ABR: variants seen among roughly 807,000 people sequenced by gnomAD.
The protein encoded by ABR is ABR activator of RhoGEF and GTPase.
In ABR, 35 loss-of-function variants were observed where a neutral mutation model predicts 107.2. The ratio of observed to expected loss-of-function variants is 0.33; its 90% CI spans 0.25 to 0.43. The LOEUF is 0.43. Ranked by LOEUF, ABR falls within the 20% of genes least tolerant of loss-of-function variation. The pLI is 1.00. For synonymous variants in ABR, 498 were observed against 462.0 expected (o/e 1.08, Z -1.00); for missense variants, 815 against 1,115.2 (o/e 0.73, Z 3.83).
chr17:1,220,642 A>G (rs990934667), intron 1 of ABR, among the ~76,000 whole-genome samples: 4 of 152,180 alleles, frequency 2.6e-5, no homozygotes, highest in East Asian at 1.9e-4. Context: ...TGTGACTACA[A>G]CACAGCCCTG....
Position 1,225,148 on chromosome 17 carries a change from C to CAA in ABR, c.838+3643_838+3644dup, listed in dbSNP as rs57761576. Among the ~76,000 whole-genome samples, 115 of 119,076 alleles carry CAA rather than the reference C, an allele frequency of 9.7e-4. 1 individual carries two copies. Among genetic ancestry groups the CAA allele is most frequent in the African/African-American group, 3.6e-3 (109 of 30,630 alleles). The allele number at this position is 119,076 out of a possible 152,430, so 78.1% of individuals were successfully genotyped here. On this transcript the variant is annotated intron_variant, in intron 1 of 22. Coordinates refer to the ABR transcript ENST00000574139. ...TGGGCAACACCGTGAGACTCCATCT[C>CAA]AAAAAAAAAAAAAAAGAAAAGAAAA...
chr17:1,090,960 G>T (rs1702032251), intron 4 of ABR, among the ~76,000 whole-genome samples: 1 of 152,194 alleles, frequency 6.6e-6, no homozygotes, highest in Non-Finnish European at 1.5e-5. Flanking sequence ...AGAGCTGGGG[G>T]AGAGGGTGTC....
intron 10 of ABR, among the ~76,000 whole-genome samples, chr17:1,060,107 G>C (rs2033752976): frequency 6.6e-6 from 1 of 152,210 alleles, no homozygotes; most frequent in African/African-American, 2.4e-5. Context: ...GCAGGAGGCA[G>C]TTGTTAAAAA....
At chr17:1,082,497 G>A (rs967363989) in intron 5 of ABR, among the ~76,000 whole-genome samples, 2 of 151,388 alleles carry the variant, frequency 1.3e-5, no homozygotes, top group Non-Finnish European at 2.9e-5. Flanking sequence ...CTGGGCCTCA[G>A]GAGCAGAAGC....
intron 1 of ABR, among the ~76,000 whole-genome samples, chr17:1,161,730 T>C (rs2041302462): frequency 6.6e-6 from 1 of 152,088 alleles, no homozygotes; most frequent in South Asian, 2.1e-4. Flanking sequence ...AATTTTTGTA[T>C]TTTTAGTAGA....
intron 12 of ABR, chr17:1,057,734 A>T (rs1037333942): frequency 6.0e-5 from 30 of 498,284 alleles, no homozygotes; most frequent in Middle Eastern, 5.8e-4. Flanking sequence ...AGAGAGAGAA[A>T]GCCCAGGCTG....
chr17:1,167,087 C>T (rs1317240511), intron 1 of ABR, among the ~76,000 whole-genome samples: 2 of 151,952 alleles, frequency 1.3e-5, no homozygotes, highest in East Asian at 1.9e-4. Flanking sequence ...CATCATGGCA[C>T]GGGGGCTGGG....
intron 16 of ABR, among the ~76,000 whole-genome samples, chr17:1,042,571 G>A (rs1420682757): frequency 1.3e-5 from 1 of 74,636 alleles, no homozygotes; most frequent in Non-Finnish European, 3.1e-5. Context: ...TGGGTAAACA[G>A]ACATGGCACC....
At chr17:1,116,969 G>C (rs1197932247) in intron 2 of ABR, among the ~76,000 whole-genome samples, 3 of 152,162 alleles carry the variant, frequency 2.0e-5, no homozygotes, top group African/African-American at 7.2e-5. Context: ...AGTGGAGCAG[G>C]CACCATCTCA....
chr17:1,109,119 C>A, intron 2 of ABR: 1 of 1,321,012 alleles, frequency 7.6e-7, no homozygotes, highest in Non-Finnish European at 1.0e-6. Context: ...CACGCAGCGG[C>A]GGCGGGAGGA....
At chr17:1,086,279 C>A (rs538855734) in intron 4 of ABR, among the ~76,000 whole-genome samples, 2 of 152,174 alleles carry the variant, frequency 1.3e-5, no homozygotes, top group Non-Finnish European at 2.9e-5. Context: ...AGGGTGTTCA[C>A]CATCTCACTT....
chr17:1,010,000 G>A (rs1301099245), intron 20 of ABR: 36 of 599,644 alleles, frequency 6.0e-5, no homozygotes, highest in Middle Eastern at 4.4e-4. Flanking sequence ...CCAGGAGGCC[G>A]GCTGGTGGGA....
In ABR at chr17:1,145,223, T is replaced by C. The variant is rs901979721; in HGVS notation, c.62-19856A>G. Among the ~76,000 whole-genome samples, 8 of 152,276 alleles carry C rather than the reference T, an allele frequency of 5.3e-5. No homozygotes were observed. In the South Asian group the frequency reaches 1.2e-3, roughly 24 times the overall value. ...TGCTCAGTAACTGCTGGCTGAGTGA[T>C]ACGATCTCCTAATAATCCTCCTCAT... On this transcript the variant is annotated intron_variant, in intron 1 of 22. Transcript: ENST00000302538.
At position 1,050,248 on chromosome 17, in the gene ABR, C is replaced by A; in HGVS notation, c.1660-67G>T. On this transcript the variant is annotated intron_variant, in intron 15 of 22. Transcript: ENST00000302538. This position sits in a 1 kb window ranked among gnomAD's most constrained non-coding sequence, Gnocchi z 4.6. ...GGGAGGCCTGGCTTTCCGGCAGGTG[C>A]GTGCCTCAGCTTTGCAAGGAGGAGG... 2 of 1,552,344 alleles carry A rather than the reference C, an allele frequency of 1.3e-6. No individual in the cohort carries two copies. The highest frequency in any genetic ancestry group is 1.2e-5 in the South Asian group (1 of 83,072).
In ABR at chr17:1,084,042, G is replaced by C. The variant is rs941637849; in HGVS notation, c.532-415C>G. On this transcript the variant is annotated intron_variant, in intron 4 of 22. Transcript: ENST00000302538. This position sits in a 1 kb window ranked among gnomAD's most constrained non-coding sequence, Gnocchi z 4.2. ...GGGGTGTGTGTGCTGGGGGGAGCTG[G>C]CACGTGTGGCCTGCTCAGGCCTCCC... 1.6e-4 allele frequency among the ~76,000 whole-genome samples: 24 copies of C among 152,166 alleles called. No homozygotes were observed.
intron 4 of ABR, among the ~76,000 whole-genome samples, chr17:1,086,725 TC>T (rs1419807558): frequency 6.6e-6 from 1 of 152,174 alleles, no homozygotes; most frequent in Non-Finnish European, 1.5e-5. Context: ...GGTCTTGAAC[TC>T]CTGACCTCAG....
Position 1,003,630 on chromosome 17 carries a change from A to AAAT in ABR, c.*2447_*2449dup, listed in dbSNP as rs1243487478. On this transcript the variant is annotated 3_prime_UTR_variant, in exon 23 of 23. Coordinates refer to ENST00000302538, the MANE Select transcript of ABR (RefSeq NM_021962.5). ...AAGTTGAAACAGAACATAGACAAAA[A>AAAT]AATATATCCTTACCAACTTATTAAA... 1.3e-5 allele frequency: 2 copies of AAAT among 152,580 alleles called. No individual in the cohort carries two copies. Among genetic ancestry groups the AAAT allele is most frequent in the Non-Finnish European group, 2.9e-5 (2 of 68,054 alleles). 9.5% of individuals were successfully genotyped at this position (152,580 alleles called of 1,614,324 possible).
At chr17:1,076,731 G>GC (rs1165221122) in intron 6 of ABR, among the ~76,000 whole-genome samples, 70 of 135,738 alleles carry the variant, frequency 5.2e-4, no homozygotes, top group Non-Finnish European at 9.6e-4. Flanking sequence ...GGTGGGGGTG[G>GC]GGGGGGTGGC....
At chr17:1,137,526 A>C (rs376328831) in intron 1 of ABR, among the ~76,000 whole-genome samples, 2 of 152,336 alleles carry the variant, frequency 1.3e-5, no homozygotes, top group East Asian at 3.9e-4. Context: ...CAACGTTCAT[A>C]GATGAAGGTT....
Sources: gnomAD v4.1 joint callset for allele counts (sites outside exome capture counted in the v4.1 genomes callset) on GRCh38, gnomAD v4.1.1 for gene constraint, Gnocchi (gnomAD v3.1) non-coding constraint, MANE v1.5 for transcripts, NCBI Gene and HGNC (gene_info 2026-07-23, HGNC 2026-07-21) for gene names.